SGCZ: variants seen among roughly 807,000 people sequenced by gnomAD.
SGCZ encodes the protein sarcoglycan zeta, also known as zeta-sarcoglycan.
In SGCZ, 40 loss-of-function variants were observed where a neutral mutation model predicts 41.3. The ratio of observed to expected loss-of-function variants is 0.97; its 90% CI spans 0.75 to 1.26. SGCZ has a LOEUF of 1.26. Among genes scored for constraint, SGCZ ranks in the 50% most tolerant of loss-of-function variants. The probability of loss-of-function intolerance (pLI) is 0.00; values close to 1 mark genes in which losing one functional copy is unlikely to be tolerated. For missense variants in SGCZ, 552 were observed against 369.8 expected (o/e 1.49, Z -4.04); for synonymous variants, 206 against 137.5 (o/e 1.50, Z -3.49).
intron 1 of SGCZ, among the ~76,000 whole-genome samples, chr8:14,939,044 G>C (rs1000397252): frequency 6.6e-6 from 1 of 152,130 alleles, no homozygotes; most frequent in African/African-American, 2.4e-5. Context: ...GGAGTAGTCA[G>C]AGGCAGAGCC....
chr8:14,566,033 A>G (rs185270175), intron 1 of SGCZ, among the ~76,000 whole-genome samples: 1 of 152,214 alleles, frequency 6.6e-6, no homozygotes, highest in Non-Finnish European at 1.5e-5. Flanking sequence ...GCTTTGGGTT[A>G]TCTCACTTAT....
chr8:14,144,820 G>T (rs1162733531), intron 5 of SGCZ, among the ~76,000 whole-genome samples: 1 of 152,088 alleles, frequency 6.6e-6, no homozygotes, highest in African/African-American at 2.4e-5. Flanking sequence ...TGGGCCTTAA[G>T]GGAATATCAG....
chr8:15,065,419 A>G (rs926283492), intron 1 of SGCZ, among the ~76,000 whole-genome samples: 2 of 61,580 alleles, frequency 3.2e-5, no homozygotes, highest in East Asian at 5.2e-4. Flanking sequence ...TATTGTAATT[A>G]TTATTATTAT....
rs145845535 is a variant in SGCZ, at chr8:15,157,556, C to G, written c.39+80029G>C. Among the ~76,000 whole-genome samples the G allele has an allele frequency of 9.1e-3, 1,388 of 152,286 alleles. 24 individuals are homozygous for G. Among genetic ancestry groups the G allele is most frequent in the African/African-American group, 0.032 (1,320 of 41,550 alleles). On this transcript the variant is annotated intron_variant, in intron 1 of 7. Transcript: ENST00000382080. The stretch of plus-strand genomic sequence containing the variant: ...GGATTCAATTCATGCTTTATGCCTT[C>G]ATCACTTGTAATACTCAGGACCAGG...
chr8:14,552,362 G>C lies in SGCZ; in HGVS notation c.234+2370C>G, dbSNP rs117313181. Among the ~76,000 whole-genome samples, 1,133 of 152,128 alleles carry C rather than the reference G, an allele frequency of 7.4e-3. 5 individuals carry two copies. The highest frequency in any genetic ancestry group is 0.015 in the South Asian group (73 of 4,828). On this transcript the variant is annotated intron_variant, in intron 2 of 7. Transcript: ENST00000382080. ...GCTAGAGAGTGTGTTACCTTACAAA[G>C]AGTGTGTCACCTTACAGTGTGATAC...
At chr8:14,788,473 G>C (rs972801853) in intron 1 of SGCZ, among the ~76,000 whole-genome samples, 1 of 152,152 alleles carries the variant, frequency 6.6e-6, no homozygotes, top group East Asian at 1.9e-4. Context: ...GTGAAATTTT[G>C]TTGGGGCAGC....
chr8:15,017,903 C>A (rs1239701349), intron 1 of SGCZ, among the ~76,000 whole-genome samples: 1 of 152,078 alleles, frequency 6.6e-6, no homozygotes, highest in African/African-American at 2.4e-5. Context: ...CAATTCAAAA[C>A]TTTTTTTCTA....
intron 2 of SGCZ, among the ~76,000 whole-genome samples, chr8:14,324,948 T>C (rs911698354): frequency 2.0e-5 from 3 of 152,172 alleles, no homozygotes; most frequent in African/African-American, 7.2e-5. Flanking sequence ...ATAAACATTC[T>C]GGCAACATTT....
intron 1 of SGCZ, among the ~76,000 whole-genome samples, chr8:15,091,297 A>AGT (rs1563120227): frequency 6.6e-6 from 1 of 152,214 alleles, no homozygotes; most frequent in Non-Finnish European, 1.5e-5. Context: ...TGAGACTAAT[A>AGT]GTGTGTGTTA....
intron 1 of SGCZ, among the ~76,000 whole-genome samples, chr8:14,572,816 A>G (rs922596610): frequency 5.3e-5 from 8 of 152,180 alleles, no homozygotes; most frequent in Admixed American, 1.3e-4. Flanking sequence ...AAGTCCCACA[A>G]ATGAATAGAA....
At chr8:14,662,615 G>A (rs182059386) in intron 1 of SGCZ, among the ~76,000 whole-genome samples, 1 of 152,108 alleles carries the variant, frequency 6.6e-6, no homozygotes, top group African/African-American at 2.4e-5. Context: ...GCTAAATAAT[G>A]GTCCTCCAAA....
intron 7 of SGCZ, among the ~76,000 whole-genome samples, chr8:14,096,639 C>A (rs1801853385): frequency 6.6e-6 from 1 of 152,110 alleles, no homozygotes; most frequent in African/African-American, 2.4e-5. Context: ...AGGGAGGATT[C>A]CCTCTTTTTC....
In SGCZ at chr8:15,238,429, A is replaced by T. The variant is rs925782478; in HGVS notation, c.-806T>A. ...TCGCTTCTCTCTTCCCACAGCCAAC[A>T]CTAAGGGGATTTCTCTCATCTGTCA... On this transcript the variant is annotated 5_prime_UTR_variant, in exon 1 of 8. Transcript: ENST00000382080. 2 of 152,204 alleles carry T rather than the reference A, an allele frequency of 1.3e-5. No homozygotes were observed. Among genetic ancestry groups the T allele is most frequent in the Admixed American group, 6.5e-5 (1 of 15,276 alleles). 9.4% of individuals were successfully genotyped at this position (152,204 alleles called of 1,614,324 possible).
intron 1 of SGCZ, among the ~76,000 whole-genome samples, chr8:15,172,164 T>TATTTA (rs10643012): frequency 1.4e-4 from 15 of 108,608 alleles, no homozygotes; most frequent in Non-Finnish European, 2.6e-4. Context: ...GTTTTTTTTT[T>TATTTA]TTTTTTTTTT....
At chr8:15,115,029 T>C (rs578256836) in intron 1 of SGCZ, among the ~76,000 whole-genome samples, 20 of 152,140 alleles carry the variant, frequency 1.3e-4, no homozygotes, top group African/African-American at 4.6e-4. Flanking sequence ...ATTGAAAAAC[T>C]AATACACTCT....
intron 2 of SGCZ, among the ~76,000 whole-genome samples, chr8:14,552,171 A>T (rs1803891297): frequency 6.6e-6 from 1 of 152,040 alleles, no homozygotes; most frequent in South Asian, 2.1e-4. Flanking sequence ...CACTAGTAAA[A>T]ACATAACATT....
intron 1 of SGCZ, among the ~76,000 whole-genome samples, chr8:14,934,221 G>C (rs1800013383): frequency 6.6e-6 from 1 of 151,844 alleles, no homozygotes; most frequent in Admixed American, 6.6e-5. Context: ...ATGGAATAGG[G>C]CACCACCGCA....
At chr8:14,797,283 G>A (rs924165541) in intron 1 of SGCZ, among the ~76,000 whole-genome samples, 11 of 152,096 alleles carry the variant, frequency 7.2e-5, no homozygotes, top group Non-Finnish European at 2.9e-5. Context: ...GAGACTTGTT[G>A]AATGACTTGG....
chr8:14,914,249 G>C (rs940340817), intron 1 of SGCZ, among the ~76,000 whole-genome samples: 1 of 151,364 alleles, frequency 6.6e-6, no homozygotes. Context: ...TATAGAGAGT[G>C]TGTAATGTCA....
Sources: gnomAD v4.1 joint callset for allele counts (sites outside exome capture counted in the v4.1 genomes callset) on GRCh38, gnomAD v4.1.1 for gene constraint, MANE v1.5 for transcripts, NCBI Gene and HGNC (gene_info 2026-07-23, HGNC 2026-07-21) for gene names.